The following DPY19L4 variants were observed in gnomAD, a reference collection of about 807,000 sequenced individuals.
The protein encoded by DPY19L4 is dpy-19 like 4.
A neutral mutation model predicts 102.8 loss-of-function variants in DPY19L4; 97 were observed. The observed-to-expected ratio is 0.94, with a 90% CI of 0.80 to 1.12. The LOEUF (loss-of-function observed/expected upper bound fraction) is 1.12, where lower values mean the gene tolerates loss of function less well. Ranked by LOEUF, DPY19L4 falls within the 50% of genes most tolerant of loss-of-function variation. The pLI is 0.00. For missense variants in DPY19L4, 815 were observed against 850.4 expected (o/e 0.96, Z 0.52); for synonymous variants, 252 against 283.1 (o/e 0.89, Z 1.10).
intron 17 of DPY19L4, among the ~76,000 whole-genome samples, chr8:94,787,140 T>C (rs911909357): frequency 1.3e-5 from 2 of 152,184 alleles, no homozygotes; most frequent in East Asian, 1.9e-4. Context: ...GTTGAGAAAC[T>C]GTGCTGTAGG....
At chr8:94,768,317 G>A in intron 11 of DPY19L4, 78 bp from the exon 12 acceptor site, 1 of 1,148,214 alleles carries the variant, frequency 8.7e-7, no homozygotes, top group Middle Eastern at 2.9e-4. Flanking sequence ...CTTAGTTTTT[G>A]CTGATATTAA....
chr8:94,735,336 T>G (rs1004912735), intron 3 of DPY19L4, among the ~76,000 whole-genome samples: 2 of 152,178 alleles, frequency 1.3e-5, no homozygotes, highest in Admixed American at 1.3e-4. Flanking sequence ...CAAACTGGGT[T>G]TTTTGTTTTT....
intron 6 of DPY19L4, among the ~76,000 whole-genome samples, chr8:94,743,119 C>G (rs943806362): frequency 6.6e-6 from 1 of 151,968 alleles, no homozygotes; most frequent in Non-Finnish European, 1.5e-5. Flanking sequence ...CCTCTGCCTC[C>G]CGCATTCAAG....
At chr8:94,781,047 CT>C in intron 15 of DPY19L4, 36 bp from the exon 16 acceptor site, 1 of 1,375,798 alleles carries the variant, frequency 7.3e-7, no homozygotes, top group Non-Finnish European at 9.6e-7. Context: ...TGACATACAT[CT>C]TTTGGGGATT....
At chr8:94,767,623 T>C (rs1225053166) in intron 11 of DPY19L4, among the ~76,000 whole-genome samples, 1 of 152,064 alleles carries the variant, frequency 6.6e-6, no homozygotes, top group Admixed American at 6.6e-5. Context: ...ATACTTAGAG[T>C]TGAAAAATGT....
rs1482849093 is a variant in DPY19L4 at position 94,789,729 on chromosome 8, T to C, written c.2008-17T>C. 1 of 1,573,748 alleles carries C rather than the reference T, an allele frequency of 6.4e-7. No homozygotes were observed. Among genetic ancestry groups the C allele is most frequent in the Non-Finnish European group, 8.6e-7 (1 of 1,161,930 alleles). ...CTTAATAAGCTTTTTAATATTATGT[T>C]TTATATCTTTTAATAGATGGTTTGT... is the stretch of plus-strand genomic sequence containing the variant. On this transcript the variant is annotated splice_polypyrimidine_tract_variant and intron_variant, in intron 18 of 18. Transcript: ENST00000414645.
At chr8:94,755,918 G>A (rs892879842) in intron 6 of DPY19L4, 118 bp from the exon 7 acceptor site, 5 of 1,070,236 alleles carry the variant, frequency 4.7e-6, no homozygotes, top group Admixed American at 5.5e-5. Flanking sequence ...ATCTGGCTAT[G>A]CCTACCTCAC....
At chr8:94,776,026 CTTTTTTTTTTTTT>C (rs1165180641) in intron 13 of DPY19L4, among the ~76,000 whole-genome samples, 14 of 81,502 alleles carry the variant, frequency 1.7e-4, no homozygotes, top group Admixed American at 3.2e-4. Context: ...ATTTTTAAAT[CTTTTTTTTTTTTT>C]TTTTTTTTTT....
At chr8:94,721,819 G>A (rs550734524) in intron 1 of DPY19L4, among the ~76,000 whole-genome samples, 16 of 152,324 alleles carry the variant, frequency 1.1e-4, no homozygotes, top group African/African-American at 3.6e-4. Flanking sequence ...GATGTAAAAT[G>A]ATAAATGGGC....
Position 94,789,918 on chromosome 8 carries a change from C to A in DPY19L4, c.*8C>A. The A allele has an allele frequency of 6.3e-7, 1 of 1,582,290 alleles. No homozygotes were observed. The highest frequency in any genetic ancestry group is 8.5e-7 in the Non-Finnish European group (1 of 1,170,772). On this transcript the variant is annotated 3_prime_UTR_variant, in exon 19 of 19. Transcript: ENST00000414645. ...ATATCCTTCCAGTCTTGAAAAATAA[C>A]AGAGCCTTCATTTCAAAGACTACCT...
At chr8:94,763,614 A>G (rs899207882) in intron 8 of DPY19L4, among the ~76,000 whole-genome samples, 6 of 150,822 alleles carry the variant, frequency 4.0e-5, no homozygotes, top group African/African-American at 1.5e-4. Context: ...TCCGCCTCCC[A>G]GGTTCAAGTG....
chr8:94,740,508 G>T (rs1385565854), intron 6 of DPY19L4, among the ~76,000 whole-genome samples: 1 of 152,102 alleles, frequency 6.6e-6, no homozygotes. Context: ...AGGCTGGAGT[G>T]CAGTGGTGCG....
chr8:94,782,498 T>C (rs1041144791), intron 16 of DPY19L4, among the ~76,000 whole-genome samples: 4 of 152,052 alleles, frequency 2.6e-5, no homozygotes, highest in African/African-American at 9.7e-5. Flanking sequence ...GGAATTACTG[T>C]GGCCATTTTT....
At chr8:94,722,521 A>G (rs1810509821) in intron 1 of DPY19L4, among the ~76,000 whole-genome samples, 1 of 152,230 alleles carries the variant, frequency 6.6e-6, no homozygotes, top group Non-Finnish European at 1.5e-5. Context: ...TTATTAAAAT[A>G]TTGCTTTATT....
At chr8:94,720,073 G>A (rs1810388166) in intron 1 of DPY19L4, 59 bp downstream of exon 1, 3 of 1,507,972 alleles carry the variant, frequency 2.0e-6, no homozygotes, top group Admixed American at 4.3e-5. Flanking sequence ...AAGGAGGGGC[G>A]GGGGCGCTGG....
intron 8 of DPY19L4, 62 bp from the exon 9 acceptor site, chr8:94,765,121 A>T (rs1371300279): frequency 5.0e-6 from 6 of 1,197,590 alleles, no homozygotes; most frequent in Non-Finnish European, 4.7e-6. Context: ...TATATAAAAC[A>T]AATGAAAATA....
At chr8:94,733,874 G>A (rs935612525) in intron 2 of DPY19L4, among the ~76,000 whole-genome samples, 3 of 152,064 alleles carry the variant, frequency 2.0e-5, no homozygotes, top group Non-Finnish European at 4.4e-5. Context: ...TTTTAGATTT[G>A]CAGAAGAATT....
chr8:94,736,296 A>G (rs1021680298), intron 3 of DPY19L4, among the ~76,000 whole-genome samples: 9 of 152,212 alleles, frequency 5.9e-5, no homozygotes, highest in Admixed American at 4.6e-4. Context: ...AGGAGGACAC[A>G]TGTATTCAGA....
chr8:94,764,715 ATATTTTTTTTT>A (rs1429877485), intron 8 of DPY19L4, among the ~76,000 whole-genome samples: 4 of 51,320 alleles, frequency 7.8e-5, no homozygotes, highest in African/African-American at 4.0e-4. Context: ...ATATATATAT[ATATTTTTTTTT>A]TTTTTTTTTT....
Sources: allele counts gnomAD v4.1 joint callset (sites outside exome capture counted in the v4.1 genomes callset), GRCh38; gene constraint gnomAD v4.1.1; transcripts MANE v1.5; gene names NCBI Gene and HGNC (gene_info 2026-07-23, HGNC 2026-07-21).